Variants in ANGPT1 observed in about 807,000 individuals in gnomAD.
The protein encoded by ANGPT1 is angiopoietin 1.
In ANGPT1, 17 loss-of-function variants were observed where a neutral mutation model predicts 62.2. That is an observed-to-expected ratio of 0.27 (90% confidence interval 0.19 to 0.41). The LOEUF (loss-of-function observed/expected upper bound fraction) is 0.41, where lower values mean the gene tolerates loss of function less well. Ranked by LOEUF, ANGPT1 falls within the 10% of genes least tolerant of loss-of-function variation. The pLI, the probability that ANGPT1 is intolerant of heterozygous loss-of-function variation, is 1.00. For synonymous variants in ANGPT1, 199 were observed against 198.9 expected, an observed-to-expected ratio of 1.00 and a Z score of 0.00; for missense variants, 478 against 594.9, an observed-to-expected ratio of 0.80 and a Z score of 2.04.
intron 1 of ANGPT1, among the ~76,000 whole-genome samples, chr8:107,470,699 AG>A (rs1352070028): frequency 2.0e-5 from 3 of 152,100 alleles, no homozygotes; most frequent in Non-Finnish European, 4.4e-5. Flanking sequence ...GAAATTTACA[AG>A]AAAAAAACAA....
At chr8:107,367,875 C>T (rs936394941) in intron 1 of ANGPT1, among the ~76,000 whole-genome samples, 3 of 152,146 alleles carry the variant, frequency 2.0e-5, no homozygotes, top group Admixed American at 2.0e-4. Flanking sequence ...TTGCTATTTC[C>T]ACCACATCTG....
chr8:107,438,581 T>C (rs1036692282), intron 1 of ANGPT1, among the ~76,000 whole-genome samples: 1 of 152,176 alleles, frequency 6.6e-6, no homozygotes, highest in Non-Finnish European at 1.5e-5. Flanking sequence ...AAAACAATCT[T>C]CAAAGACAGC....
chr8:107,273,941 AG>A (rs1172449660), intron 7 of ANGPT1, among the ~76,000 whole-genome samples: 3 of 151,598 alleles, frequency 2.0e-5, no homozygotes, highest in African/African-American at 7.3e-5. Context: ...AAAAAAAAAA[AG>A]ATCTATGGTT....
chr8:107,335,204 C>T (rs1815531468), intron 3 of ANGPT1, among the ~76,000 whole-genome samples: 1 of 152,214 alleles, frequency 6.6e-6, no homozygotes, highest in Non-Finnish European at 1.5e-5. Flanking sequence ...TCCACTGAGT[C>T]TCTGTTCCCT....
chr8:107,322,470 A>T (rs556270566), intron 3 of ANGPT1, among the ~76,000 whole-genome samples: 1 of 152,196 alleles, frequency 6.6e-6, no homozygotes, highest in South Asian at 2.1e-4. Context: ...TTCACTAAAG[A>T]AATGGGCCTA....
chr8:107,453,838 G>A (rs1811844633), intron 1 of ANGPT1, among the ~76,000 whole-genome samples: 1 of 148,194 alleles, frequency 6.7e-6, no homozygotes, highest in Admixed American at 7.0e-5. Flanking sequence ...ATGAACAGAT[G>A]CACATAGTAT....
intron 1 of ANGPT1, among the ~76,000 whole-genome samples, chr8:107,357,213 C>G (rs1273556970): frequency 6.6e-6 from 1 of 152,308 alleles, no homozygotes; most frequent in South Asian, 2.1e-4. Flanking sequence ...TCATGGACAG[C>G]TCCAGTATTC....
At chr8:107,324,211 A>ATG (rs1354008686) in intron 3 of ANGPT1, among the ~76,000 whole-genome samples, 67 of 97,964 alleles carry the variant, frequency 6.8e-4, no homozygotes, top group African/African-American at 4.0e-3. Flanking sequence ...ATATGTATAT[A>ATG]TATATGTGTG....
rs1017132872 is a variant in ANGPT1 at position 107,492,635 on chromosome 8, C to A, written c.297+4627G>T. Among the ~76,000 whole-genome samples the A allele has an allele frequency of 3.6e-4, 50 of 137,016 alleles. 3 individuals carry two copies. The highest frequency in any genetic ancestry group is 1.4e-3 in the African/African-American group (50 of 36,636). 89.9% of individuals were successfully genotyped at this position (137,016 alleles called of 152,430 possible). A position where few individuals can be genotyped will look rare whatever the true frequency, so the allele number is the denominator to read the frequency against. On this transcript the variant is annotated intron_variant, in intron 1 of 8. Coordinates refer to ENST00000517746, the MANE Select transcript of ANGPT1 (RefSeq NM_001146.5). ...TACAGGTGTGAGCCACCACGCCCGG[C>A]CAATATGTACCCATTTCACACATTT...
chr8:107,369,029 G>A (rs1376452399), intron 1 of ANGPT1, among the ~76,000 whole-genome samples: 1 of 119,738 alleles, frequency 8.4e-6, no homozygotes, highest in African/African-American at 2.9e-5. Context: ...GCCAGGCATT[G>A]ACTTTTGCTG....
chr8:107,326,961 A>G (rs1213415872), intron 3 of ANGPT1, among the ~76,000 whole-genome samples: 1 of 152,110 alleles, frequency 6.6e-6, no homozygotes, highest in Non-Finnish European at 1.5e-5. Flanking sequence ...TTAACACACT[A>G]TAATCTCTTC....
intron 1 of ANGPT1, among the ~76,000 whole-genome samples, chr8:107,385,406 C>T (rs758172493): frequency 5.9e-5 from 9 of 151,726 alleles, no homozygotes; most frequent in South Asian, 4.2e-4. Context: ...TGAATAGGAC[C>T]GCATTCTTGA....
chr8:107,406,374 A>G (rs1029165469), intron 1 of ANGPT1, among the ~76,000 whole-genome samples: 5 of 152,010 alleles, frequency 3.3e-5, no homozygotes, highest in African/African-American at 1.2e-4. Flanking sequence ...GCAAAAATGC[A>G]TGACAATAGG....
rs1810616746 is a variant in ANGPT1 at position 107,412,526 on chromosome 8, TATGTATAC to T, written c.298-65437_298-65430del. Among the ~76,000 whole-genome samples, 8 of 152,246 alleles carry T rather than the reference TATGTATAC, an allele frequency of 5.3e-5. No individual in the cohort carries two copies. The South Asian group carries it at 1.7e-3, about 32-fold the overall frequency. On this transcript the variant is annotated intron_variant, in intron 1 of 8. Coordinates refer to ENST00000517746, the MANE Select transcript of ANGPT1 (RefSeq NM_001146.5). ...TATGTACACATATATACATTGAACATATGTATACATGTATACATTCAAAAGAAATTAGT... is the reference window on the plus strand; with the variant it reads ...TATGTACACATATATACATTGAACATATGTATACATTCAAAAGAAATTAGT...
chr8:107,340,660 ATT>A (rs34730744), intron 2 of ANGPT1, among the ~76,000 whole-genome samples: 60 of 142,784 alleles, frequency 4.2e-4, no homozygotes, highest in African/African-American at 1.4e-3. Flanking sequence ...AATTGTTTGT[ATT>A]TTTTTTTTTT....
intron 1 of ANGPT1, among the ~76,000 whole-genome samples, chr8:107,357,114 C>A (rs1816063086): frequency 6.6e-6 from 1 of 152,062 alleles, no homozygotes; most frequent in Non-Finnish European, 1.5e-5. Context: ...TCTTAAAGAT[C>A]CATTTAAAAT....
At chr8:107,302,523 A>G (rs954493442) in intron 5 of ANGPT1, among the ~76,000 whole-genome samples, 2 of 151,948 alleles carry the variant, frequency 1.3e-5, no homozygotes, top group African/African-American at 4.8e-5. Context: ...TCATCATTAC[A>G]CTAGAAACTG....
At chr8:107,395,139 T>C (rs1045723979) in intron 1 of ANGPT1, among the ~76,000 whole-genome samples, 1 of 152,194 alleles carries the variant, frequency 6.6e-6, no homozygotes, top group Non-Finnish European at 1.5e-5. Flanking sequence ...TAGAGGCTTT[T>C]ATCTGTTTTT....
At chr8:107,476,386 G>A (rs1292735136) in intron 1 of ANGPT1, among the ~76,000 whole-genome samples, 1 of 152,174 alleles carries the variant, frequency 6.6e-6, no homozygotes, top group Non-Finnish European at 1.5e-5. Flanking sequence ...AATGAACAAT[G>A]AGAACACTTG....
Sources: allele counts gnomAD v4.1 joint callset (sites outside exome capture counted in the v4.1 genomes callset), GRCh38; gene constraint gnomAD v4.1.1; transcripts MANE v1.5; gene names NCBI Gene and HGNC (gene_info 2026-07-23, HGNC 2026-07-21).